PTPN13: variants seen among roughly 807,000 people sequenced by gnomAD.
The protein encoded by PTPN13 is protein tyrosine phosphatase non-receptor type 13.
Under a neutral mutation model 284.0 loss-of-function variants are expected in PTPN13, and 191 were observed. The observed-to-expected ratio is 0.67, with a 90% CI of 0.60 to 0.76. The LOEUF is 0.76. Ranked by LOEUF, PTPN13 falls within the 30% of genes least tolerant of loss-of-function variation. The pLI is 0.00. For synonymous variants in PTPN13, 986 were observed against 1,022.3 expected (o/e 0.96, Z 0.68); for missense variants, 2,797 against 2,939.9 (o/e 0.95, Z 1.12).
Position 86,732,477 on chromosome 4 carries a change from A to G in PTPN13, c.1683+3A>G, listed in dbSNP as rs1397900954. ...TGGATTTGCCACGGTCTATTCTTGT[A>G]AGTAATAAAACCAATTTGTGTCACT... is the stretch of plus-strand genomic sequence containing the variant. On this transcript the variant is annotated splice_donor_region_variant and intron_variant, in intron 11 of 47. Transcript: ENST00000411767. 6.3e-7 allele frequency: 1 copy of G among 1,598,032 alleles called. No homozygotes were observed. Among genetic ancestry groups the G allele is most frequent in the South Asian group, 1.1e-5 (1 of 88,372 alleles).
At chr4:86,721,994 G>A (rs1051217757) in intron 9 of PTPN13, among the ~76,000 whole-genome samples, 19 of 151,748 alleles carry the variant, frequency 1.3e-4, no homozygotes, top group African/African-American at 3.4e-4. Flanking sequence ...CGATCCAACC[G>A]CCTTCACCTC....
intron 6 of PTPN13, among the ~76,000 whole-genome samples, chr4:86,699,792 A>T (rs1262464340): frequency 2.6e-5 from 4 of 152,154 alleles, no homozygotes; most frequent in Admixed American, 6.6e-5. Context: ...ATTTTCAAGA[A>T]TATCTCTGTT....
Position 86,775,440 on chromosome 4 carries a change from A to G in PTPN13, c.5681-2A>G. On this transcript the variant is annotated splice_acceptor_variant, in intron 34 of 47. Coordinates refer to ENST00000411767, the MANE Select transcript of PTPN13 (RefSeq NM_080683.3). LOFTEE classifies it high-confidence loss of function. ...AAAACAAATATTTTCTATTATTTCA[A>G]GGTTTTTCCTTATGTGGAGGTCATG... 6.2e-7 allele frequency: 1 copy of G among 1,600,384 alleles called. No homozygotes were observed. Among genetic ancestry groups the G allele is most frequent in the Non-Finnish European group, 8.6e-7 (1 of 1,168,206 alleles).
chr4:86,751,091 T>C lies in PTPN13; in HGVS notation c.3133T>C (p.Ser1045Pro). Reference sequence around the variant, plus strand: ...GAGGAAACATGAATCAGACTCCTCATCCATTGAAGACCCTGGGCAAGCATA... The same window carrying C: ...GAGGAAACATGAATCAGACTCCTCACCCATTGAAGACCCTGGGCAAGCATA... ...ERRKHESDSSSIEDPGQAYVL... is the reference protein window; with the variant it reads ...ERRKHESDSSPIEDPGQAYVL... Residue 1045 changes from serine (S) to proline (P), a missense_variant, in exon 19 of 48, where the codon TCC (serine) becomes CCC (proline). Coordinates refer to ENST00000411767, the MANE Select transcript of PTPN13 (RefSeq NM_080683.3). The C allele has an allele frequency of 1.2e-6, 2 of 1,607,248 alleles. No homozygotes were observed. The highest frequency in any genetic ancestry group is 2.2e-5 in the South Asian group (2 of 90,710).
intron 47 of PTPN13, among the ~76,000 whole-genome samples, chr4:86,811,754 C>T (rs17012084): frequency 0.033 from 4,966 of 152,156 alleles, 257 homozygotes; most frequent in African/African-American, 0.11. Flanking sequence ...ATGTAGAAGC[C>T]GTTTTCAAAT....
intron 40 of PTPN13, among the ~76,000 whole-genome samples, chr4:86,794,404 A>C (rs1000299364): frequency 1.3e-5 from 2 of 152,216 alleles, no homozygotes; most frequent in African/African-American, 4.8e-5. Context: ...AAGAGGACAC[A>C]AACAAATGGA....
intron 24 of PTPN13, 144 bp downstream of exon 24, chr4:86,763,334 T>A: frequency 2.7e-6 from 2 of 750,622 alleles, no homozygotes; most frequent in Admixed American, 2.9e-5. Flanking sequence ...GCTACTGCAT[T>A]TGATGCTAAC....
chr4:86,705,963 A>C (rs940453079), intron 7 of PTPN13, among the ~76,000 whole-genome samples: 1 of 152,110 alleles, frequency 6.6e-6, no homozygotes, highest in Non-Finnish European at 1.5e-5. Flanking sequence ...TTCTCCTCCA[A>C]CCTCTGATAA....
rs1384946292 is a variant in PTPN13, at chr4:86,745,035, A to G, written c.2557A>G (p.Ile853Val). The G allele has an allele frequency of 3.1e-6, 5 of 1,608,388 alleles. 1 individual carries two copies. Among genetic ancestry groups the G allele is most frequent in the Admixed American group, 3.4e-5 (2 of 59,320 alleles). The change falls in exon 17 of 48, where the codon ATA becomes GTA. Residue 853 changes from isoleucine to valine, a missense_variant. Ile to Val is a conservative substitution (Grantham distance 29). Coordinates refer to ENST00000411767, the MANE Select transcript of PTPN13 (RefSeq NM_080683.3). ...TGGCTTCCAGACAGACAACAGTAAGATATGCCAGTACCTGCTGCACCTCTG... is the reference window on the plus strand; with the variant it reads ...TGGCTTCCAGACAGACAACAGTAAGGTATGCCAGTACCTGCTGCACCTCTG... ...KHGFQTDNSK[I>V]CQYLLHLCSY...
Position 86,666,430 on chromosome 4 carries a change from G to T in PTPN13, c.116-5935G>T, listed in dbSNP as rs530137645. The stretch of plus-strand genomic sequence containing the variant: ...TCTCTCTCTTCTCTCTCTCTCTTTA[G>T]AAGAGCAGCTTAAAAAGGTTGTGGA... On this transcript the variant is annotated intron_variant, in intron 2 of 47. Coordinates refer to ENST00000411767, the MANE Select transcript of PTPN13 (RefSeq NM_080683.3). Among the ~76,000 whole-genome samples the T allele has an allele frequency of 2.7e-3, 407 of 152,136 alleles. 2 individuals are homozygous for T. The highest frequency in any genetic ancestry group is 9.3e-3 in the African/African-American group (387 of 41,480).
intron 15 of PTPN13, among the ~76,000 whole-genome samples, chr4:86,740,749 CCT>C (rs1050155033): frequency 2.0e-5 from 3 of 152,056 alleles, no homozygotes; most frequent in Non-Finnish European, 2.9e-5. Flanking sequence ...ACTGTTATGC[CCT>C]GTTTCCCTTT....
intron 2 of PTPN13, among the ~76,000 whole-genome samples, chr4:86,652,364 T>C (rs1565236430): frequency 6.6e-6 from 1 of 152,218 alleles, no homozygotes. Context: ...GTGAATTTTA[T>C]TCTGTCAGAT....
At chr4:86,605,446 A>ATTAAGAGAT (rs2149172182) in intron 1 of PTPN13, among the ~76,000 whole-genome samples, 1 of 152,004 alleles carries the variant, frequency 6.6e-6, no homozygotes, top group South Asian at 2.1e-4. Context: ...ATTCTGTGAG[A>ATTAAGAGAT]TTAAGAGATT....
intron 6 of PTPN13, among the ~76,000 whole-genome samples, chr4:86,699,572 ACT>A (rs1004478125): frequency 3.3e-5 from 5 of 152,028 alleles, no homozygotes; most frequent in African/African-American, 1.2e-4. Flanking sequence ...AAGTAAGCAC[ACT>A]GTTAACATGT....
chr4:86,635,957 C>G (rs887192444), intron 2 of PTPN13, among the ~76,000 whole-genome samples: 9 of 151,780 alleles, frequency 5.9e-5, no homozygotes, highest in African/African-American at 2.2e-4. Flanking sequence ...AGTGAGACTC[C>G]TCTCAAAAAA....
At chr4:86,716,410 T>C (rs762078767) in intron 7 of PTPN13, 120 bp from the exon 8 acceptor site, 24 of 629,154 alleles carry the variant, frequency 3.8e-5, no homozygotes, top group Admixed American at 1.0e-4. Flanking sequence ...ACTCCAGCAA[T>C]TGGTAAATTT....
At chr4:86,783,876 C>G (rs1176074577) in intron 37 of PTPN13, among the ~76,000 whole-genome samples, 1 of 151,632 alleles carries the variant, frequency 6.6e-6, no homozygotes, top group Admixed American at 6.6e-5. Flanking sequence ...ACATTCTATT[C>G]AATAATTATT....
chr4:86,633,469 T>G (rs929581068), intron 1 of PTPN13, among the ~76,000 whole-genome samples: 1 of 152,170 alleles, frequency 6.6e-6, no homozygotes, highest in Non-Finnish European at 1.5e-5. Flanking sequence ...CATTAAAGCT[T>G]CTTTCACTGG....
At chr4:86,756,401 T>C (rs918887987) in intron 20 of PTPN13, among the ~76,000 whole-genome samples, 1 of 152,122 alleles carries the variant, frequency 6.6e-6, no homozygotes, top group Non-Finnish European at 1.5e-5. Flanking sequence ...AGGCATTAAA[T>C]AATGGATGGG....
Sources: gnomAD v4.1 joint callset for allele counts (sites outside exome capture counted in the v4.1 genomes callset) on GRCh38, gnomAD v4.1.1 for gene constraint, MANE v1.5 for transcripts, NCBI Gene and HGNC (gene_info 2026-07-23, HGNC 2026-07-21) for gene names.